KIRREL3: variants seen among roughly 807,000 people sequenced by gnomAD.
KIRREL3 encodes kirre like nephrin family adhesion molecule 3.
In KIRREL3, 36 loss-of-function variants were observed where a neutral mutation model predicts 89.7. That is an observed-to-expected ratio of 0.40 (90% CI 0.31 to 0.53). The LOEUF (loss-of-function observed/expected upper bound fraction) is 0.53, where lower values mean the gene tolerates loss of function less well. Ranked by LOEUF, KIRREL3 falls within the 20% of genes least tolerant of loss-of-function variation. The probability of loss-of-function intolerance (pLI) is 0.49; values close to 1 mark genes in which losing one functional copy is unlikely to be tolerated. For missense variants in KIRREL3, 864 were observed against 1,056.6 expected (o/e 0.82, Z 2.53); for synonymous variants, 445 against 441.4 (o/e 1.01, Z -0.10).
Position 126,428,174 on chromosome 11 carries a change from C to G in KIRREL3, c.1806+1005G>C, listed in dbSNP as rs1165766942. On this transcript the variant is annotated intron_variant, in intron 15 of 16. Coordinates refer to ENST00000525144, the MANE Select transcript of KIRREL3 (RefSeq NM_032531.4). This position sits in a 1 kb window ranked among gnomAD's most constrained non-coding sequence, Gnocchi z 6.4. The stretch of plus-strand genomic sequence containing the variant: ...CTGAGTTTTGTCCACTTCACCCTCA[C>G]CACAGCCCTGTATACTGTGGCTTTC... Among the ~76,000 whole-genome samples the G allele has an allele frequency of 1.3e-5, 2 of 152,218 alleles. No homozygotes were observed. Among genetic ancestry groups the G allele is most frequent in the Non-Finnish European group, 2.9e-5 (2 of 68,040 alleles).
intron 1 of KIRREL3, among the ~76,000 whole-genome samples, chr11:126,712,931 G>A (rs754555386): frequency 3.3e-5 from 5 of 152,180 alleles, no homozygotes; most frequent in Non-Finnish European, 5.9e-5. Context: ...AAGCTCTGGC[G>A]TGGTGCTAGG....
At chr11:126,859,832 T>C (rs1400641095) in intron 1 of KIRREL3, among the ~76,000 whole-genome samples, 2 of 152,194 alleles carry the variant, frequency 1.3e-5, no homozygotes, top group Non-Finnish European at 2.9e-5. Flanking sequence ...TTGCTTGTTA[T>C]AGCACCAACC....
Position 126,669,749 on chromosome 11 carries a change from A to G in KIRREL3, c.56-106837T>C, listed in dbSNP as rs1238925770. On this transcript the variant is annotated intron_variant, in intron 1 of 16. Transcript: ENST00000525144. This position sits in a 1 kb window ranked among gnomAD's most constrained non-coding sequence, Gnocchi z 5.0. ...ATGAAACTCCAAGGCTTTAAATACC[A>G]TTGAGATACAGATGATTTTTTAAAT... Among the ~76,000 whole-genome samples, 2 of 152,224 alleles carry G rather than the reference A, an allele frequency of 1.3e-5. No homozygotes were observed. The highest frequency in any genetic ancestry group is 1.3e-4 in the Admixed American group (2 of 15,288).
At chr11:126,634,729 G>T (rs1366437106) in intron 1 of KIRREL3, among the ~76,000 whole-genome samples, 1 of 152,184 alleles carries the variant, frequency 6.6e-6, no homozygotes, top group Non-Finnish European at 1.5e-5. Flanking sequence ...CCAAGCTCTT[G>T]CACTCCATTG....
At position 126,999,683 on chromosome 11, in the gene KIRREL3, T is replaced by G. The variant is rs1039027044; in HGVS notation, c.55+772A>C. 6.6e-6 allele frequency among the ~76,000 whole-genome samples: 1 copy of G among 152,220 alleles called. No individual in the cohort carries two copies. Among genetic ancestry groups the G allele is most frequent in the African/African-American group, 2.4e-5 (1 of 41,454 alleles). On this transcript the variant is annotated intron_variant, in intron 1 of 16. Transcript: ENST00000525144. The surrounding 1 kb of genome is among the most constrained non-coding windows in gnomAD (Gnocchi z 5.7). ...TTCCCTCTCCCGAATTTCCCTCTCC[T>G]TTCTGCACCACTACCAGCCCCAGGG...
At chr11:126,503,402 C>A (rs1957925626) in intron 4 of KIRREL3, among the ~76,000 whole-genome samples, 1 of 151,996 alleles carries the variant, frequency 6.6e-6, no homozygotes, top group Non-Finnish European at 1.5e-5. Context: ...CCTAGGGGAT[C>A]CAGGCAGGGA....
At chr11:126,465,237 C>T (rs964306266) in intron 5 of KIRREL3, among the ~76,000 whole-genome samples, 1 of 152,182 alleles carries the variant, frequency 6.6e-6, no homozygotes, top group East Asian at 1.9e-4. Context: ...CTCAAAACCT[C>T]CCATAAAGTG....
rs944930488 is a variant in KIRREL3, at chr11:126,531,308, T to C, written c.134-4621A>G. Among the ~76,000 whole-genome samples, 2 of 152,244 alleles carry C rather than the reference T, an allele frequency of 1.3e-5. No homozygotes were observed. Among genetic ancestry groups the C allele is most frequent in the Admixed American group, 6.5e-5 (1 of 15,288 alleles). On this transcript the variant is annotated intron_variant, in intron 2 of 16. Coordinates refer to ENST00000525144, the MANE Select transcript of KIRREL3 (RefSeq NM_032531.4). The surrounding 1 kb of genome is among the most constrained non-coding windows in gnomAD (Gnocchi z 4.7). Reference sequence around the variant, plus strand: ...CTCTTTGCCTGATCCATTAATGTGCTGAACCTGGATTTTCCGTCTTAATTC... The same window carrying C: ...CTCTTTGCCTGATCCATTAATGTGCCGAACCTGGATTTTCCGTCTTAATTC...
chr11:126,755,224 T>C lies in KIRREL3; in HGVS notation c.56-192312A>G, dbSNP rs190546578. On this transcript the variant is annotated intron_variant, in intron 1 of 16. Transcript: ENST00000525144. This position sits in a 1 kb window ranked among gnomAD's most constrained non-coding sequence, Gnocchi z 4.3. ...AAGTAACCAGAGGGAAAAAAATGTA[T>C]TCCCATCCGAGGCCCTTGCCTGCCC... is the stretch of plus-strand genomic sequence containing the variant. 1.3e-5 allele frequency among the ~76,000 whole-genome samples: 2 copies of C among 152,292 alleles called. No individual in the cohort carries two copies. Among genetic ancestry groups the C allele is most frequent in the Non-Finnish European group, 2.9e-5 (2 of 68,024 alleles).
chr11:126,843,426 C>T lies in KIRREL3; in HGVS notation c.55+157029G>A, dbSNP rs1002938915. Among the ~76,000 whole-genome samples, 2 of 152,056 alleles carry T rather than the reference C, an allele frequency of 1.3e-5. No homozygotes were observed. Among genetic ancestry groups the T allele is most frequent in the African/African-American group, 2.4e-5 (1 of 41,392 alleles). On this transcript the variant is annotated intron_variant, in intron 1 of 16. Coordinates refer to ENST00000525144, the MANE Select transcript of KIRREL3 (RefSeq NM_032531.4). The surrounding 1 kb of genome is among the most constrained non-coding windows in gnomAD (Gnocchi z 4.6). Reference sequence around the variant, plus strand: ...GAGTGGGTGAGCTCACTCACTCTGCCGTATATCCTACTGGGGAGAAACTCC... The same window carrying T: ...GAGTGGGTGAGCTCACTCACTCTGCTGTATATCCTACTGGGGAGAAACTCC...
chr11:126,445,213 C>T (rs760597182), intron 9 of KIRREL3, 108 bp from the exon 10 acceptor site: 128 of 1,395,732 alleles, frequency 9.2e-5, no homozygotes, highest in Middle Eastern at 1.8e-4. Context: ...AGGCAGTCTC[C>T]GGCATCTCAG....
At chr11:126,792,844 C>A (rs1950688424) in intron 1 of KIRREL3, among the ~76,000 whole-genome samples, 1 of 152,132 alleles carries the variant, frequency 6.6e-6, no homozygotes, top group Non-Finnish European at 1.5e-5. Context: ...TAGGGATATA[C>A]ACGTGTGATA....
rs1950281185 is a variant in KIRREL3, at chr11:126,780,052, G to A, written c.56-217140C>T. Among the ~76,000 whole-genome samples the A allele has an allele frequency of 6.6e-6, 1 of 151,994 alleles. No homozygotes were observed. Among genetic ancestry groups the A allele is most frequent in the Non-Finnish European group, 1.5e-5 (1 of 68,022 alleles). On this transcript the variant is annotated intron_variant, in intron 1 of 16. Coordinates refer to ENST00000525144, the MANE Select transcript of KIRREL3 (RefSeq NM_032531.4). The surrounding 1 kb of genome is among the most constrained non-coding windows in gnomAD (Gnocchi z 5.3). ...AGCCCCACGCTGTATCTGGAAGGGA[G>A]GACTGAACTTCAGAGGGAAAAGCAG...
At chr11:126,875,273 CT>C (rs1459898654) in intron 1 of KIRREL3, among the ~76,000 whole-genome samples, 1 of 152,116 alleles carries the variant, frequency 6.6e-6, no homozygotes, top group Non-Finnish European at 1.5e-5. Context: ...AAAAAAAACA[CT>C]GAAGAGACCC....
Position 126,609,186 on chromosome 11 carries a change from CAGGAAAGGGG to C in KIRREL3, c.56-46284_56-46275del, listed in dbSNP as rs1264862034. 2.6e-5 allele frequency among the ~76,000 whole-genome samples: 4 copies of C among 152,114 alleles called. No homozygotes were observed. The highest frequency in any genetic ancestry group is 1.3e-4 in the Admixed American group (2 of 15,272). Reference sequence around the variant, plus strand: ...TTTTCCCCGCTCTGAGACCGGACCTCAGGAAAGGGGTGCGGGGAAGGTTGGGTTCAGAAGG... The same window carrying C: ...TTTTCCCCGCTCTGAGACCGGACCTCTGCGGGGAAGGTTGGGTTCAGAAGG... On this transcript the variant is annotated intron_variant, in intron 1 of 16. Transcript: ENST00000525144. This position sits in a 1 kb window ranked among gnomAD's most constrained non-coding sequence, Gnocchi z 5.0.
chr11:126,642,487 T>C lies in KIRREL3; in HGVS notation c.56-79575A>G, dbSNP rs1017082789. Among the ~76,000 whole-genome samples, 4 of 152,250 alleles carry C rather than the reference T, an allele frequency of 2.6e-5. No homozygotes were observed. Among genetic ancestry groups the C allele is most frequent in the African/African-American group, 9.6e-5 (4 of 41,464 alleles). The stretch of plus-strand genomic sequence containing the variant: ...CTAGACTCACTAGAAATGTTAACTC[T>C]GCCCTGCACTTTCCATTCCCCATCC... On this transcript the variant is annotated intron_variant, in intron 1 of 16. Coordinates refer to ENST00000525144, the MANE Select transcript of KIRREL3 (RefSeq NM_032531.4). This position sits in a 1 kb window ranked among gnomAD's most constrained non-coding sequence, Gnocchi z 4.9.
chr11:126,577,182 TTAAG>T (rs1172972838), intron 1 of KIRREL3, among the ~76,000 whole-genome samples: 1 of 152,136 alleles, frequency 6.6e-6, no homozygotes, highest in Non-Finnish European at 1.5e-5. Context: ...GGCACATGGA[TTAAG>T]TATGCAGTTT....
Position 126,496,840 on chromosome 11 carries a change from TCTCTGGGGC to T in KIRREL3, c.434-23383_434-23375del, listed in dbSNP as rs1957670774. On this transcript the variant is annotated intron_variant, in intron 4 of 16. Transcript: ENST00000525144. The surrounding 1 kb of genome is among the most constrained non-coding windows in gnomAD (Gnocchi z 4.9). The stretch of plus-strand genomic sequence containing the variant: ...ATAGGTCACAAATCTAGGAGACTTC[TCTCTGGGGC>T]CTCTGGAAGCTGGGGCCAGTTCTCC... 6.6e-6 allele frequency among the ~76,000 whole-genome samples: 1 copy of T among 152,094 alleles called. No individual in the cohort carries two copies. Among genetic ancestry groups the T allele is most frequent in the Non-Finnish European group, 1.5e-5 (1 of 68,030 alleles).
intron 1 of KIRREL3, among the ~76,000 whole-genome samples, chr11:126,758,033 C>G (rs991983573): frequency 6.6e-6 from 1 of 152,216 alleles, no homozygotes; most frequent in Non-Finnish European, 1.5e-5. Context: ...TGCATAATGA[C>G]TGATTCCCTA....
Sources: allele counts gnomAD v4.1 joint callset (sites outside exome capture counted in the v4.1 genomes callset), GRCh38; gene constraint gnomAD v4.1.1; non-coding constraint Gnocchi (gnomAD v3.1); transcripts MANE v1.5; gene names NCBI Gene and HGNC (gene_info 2026-07-23, HGNC 2026-07-21).